The following USP3 variants were observed in gnomAD, a reference collection of about 807,000 sequenced individuals.
USP3 encodes the protein ubiquitin carboxyl-terminal hydrolase 3.
USP3 carries 20 observed loss-of-function variants against 72.3 expected under a neutral mutation model. That is an observed-to-expected ratio of 0.28 (90% CI 0.19 to 0.40). The LOEUF is 0.40. USP3 is among the 10% of genes least tolerant of loss of function. USP3 has a pLI of 1.00. For synonymous variants in USP3, 222 were observed against 225.3 expected (o/e 0.99, Z 0.13); for missense variants, 479 against 633.9 (o/e 0.76, Z 2.62).
chr15:63,547,318 G>T (rs1429258893), intron 3 of USP3, among the ~76,000 whole-genome samples: 1 of 152,096 alleles, frequency 6.6e-6, no homozygotes, highest in Non-Finnish European at 1.5e-5. Flanking sequence ...TGAAATAAAT[G>T]TCCCTCTTAG....
chr15:63,514,883 A>G (rs1198653907), intron 1 of USP3, among the ~76,000 whole-genome samples: 1 of 152,216 alleles, frequency 6.6e-6, no homozygotes, highest in Non-Finnish European at 1.5e-5. Flanking sequence ...GTTGTTGGCA[A>G]CAGCATGGAA....
At chr15:63,518,789 G>A (rs191953269) in intron 1 of USP3, among the ~76,000 whole-genome samples, 93 of 150,656 alleles carry the variant, frequency 6.2e-4, no homozygotes, top group Middle Eastern at 3.4e-3. Flanking sequence ...TTTTTGGGAC[G>A]GAGTCTTGCT....
intron 8 of USP3, among the ~76,000 whole-genome samples, chr15:63,563,362 C>G (rs2066638084): frequency 6.6e-6 from 1 of 152,112 alleles, no homozygotes; most frequent in South Asian, 2.1e-4. Context: ...GTTATTCCAG[C>G]TAAAAAAATT....
Position 63,556,716 on chromosome 15 carries a change from TCAACA to T in USP3, c.420_424del (p.Thr141LysfsTer37). Reference sequence around the variant, plus strand: ...TAAGAAAAGAAAACTTTTGGAAAACTCAACACTAAACAGCAAGTTATTAAAAGTAA... The same window carrying T: ...TAAGAAAAGAAAACTTTTGGAAAACTCTAAACAGCAAGTTATTAAAAGTAA... On this transcript the variant is annotated frameshift_variant, in exon 5 of 15. Coordinates refer to ENST00000380324, the MANE Select transcript of USP3 (RefSeq NM_006537.4). LOFTEE classifies it high-confidence loss of function. 6.2e-7 allele frequency: 1 copy of T among 1,608,158 alleles called. No homozygotes were observed. Among genetic ancestry groups the T allele is most frequent in the Non-Finnish European group, 8.5e-7 (1 of 1,177,592 alleles).
rs2067127697 is a variant in USP3, at chr15:63,588,875, C to T, written c.1329+60C>T. ...TGGCTCTTCAGTAAGATTGTCATCA[C>T]ATGGAGAGGGTAGAGGTCATCGAGA... On this transcript the variant is annotated intron_variant, in intron 13 of 14. Transcript: ENST00000380324. This position sits in a 1 kb window ranked among gnomAD's most constrained non-coding sequence, Gnocchi z 4.6. 1.9e-6 allele frequency: 3 copies of T among 1,609,584 alleles called. No individual in the cohort carries two copies. The highest frequency in any genetic ancestry group is 2.6e-6 in the Non-Finnish European group (3 of 1,175,924).
At chr15:63,575,236 T>C (rs1171531880) in intron 11 of USP3, among the ~76,000 whole-genome samples, 1 of 151,250 alleles carries the variant, frequency 6.6e-6, no homozygotes, top group East Asian at 1.9e-4. Flanking sequence ...CTATTAAAAT[T>C]AAATTAATTA....
rs963673785 is a variant in USP3, at chr15:63,529,095, C to T, written c.92-3552C>T. 23 of 1,265,216 alleles carry T rather than the reference C, an allele frequency of 1.8e-5. No individual in the cohort carries two copies. The Admixed American group carries it at 5.3e-4, about 29-fold the overall frequency. 78.4% of individuals were successfully genotyped at this position (1,265,216 alleles called of 1,614,324 possible). A position where few individuals can be genotyped will look rare whatever the true frequency, so the allele number is the denominator to read the frequency against. ...GCCCAGGCTGGCCTCGAACTCTAGG[C>T]TCAAGTGATTCTTCTGCCTCAGCCT... On this transcript the variant is annotated intron_variant, in intron 1 of 14. Transcript: ENST00000380324. This position sits in a 1 kb window ranked among gnomAD's most constrained non-coding sequence, Gnocchi z 4.2.
At chr15:63,508,527 A>G (rs1205704073) in intron 1 of USP3, among the ~76,000 whole-genome samples, 1 of 152,206 alleles carries the variant, frequency 6.6e-6, no homozygotes, top group Non-Finnish European at 1.5e-5. Context: ...ATTTATGTCT[A>G]ATTGTTGCTT....
At chr15:63,545,504 T>A (rs905237570) in intron 3 of USP3, among the ~76,000 whole-genome samples, 1 of 152,160 alleles carries the variant, frequency 6.6e-6, no homozygotes. Flanking sequence ...ATATTCTTCT[T>A]ACCTTCCTTT....
chr15:63,543,364 C>G (rs552316639), intron 3 of USP3, among the ~76,000 whole-genome samples: 1 of 152,040 alleles, frequency 6.6e-6, no homozygotes, highest in African/African-American at 2.4e-5. Context: ...GTGCTAGGGA[C>G]CTAGTTTTTA....
chr15:63,559,550 C>T (rs544168048), intron 6 of USP3, among the ~76,000 whole-genome samples: 7 of 152,112 alleles, frequency 4.6e-5, no homozygotes, highest in South Asian at 2.1e-4. Context: ...AACAAGCAAC[C>T]GAAAAGAAAG....
chr15:63,545,734 C>CT (rs1167788718), intron 3 of USP3, among the ~76,000 whole-genome samples: 1 of 151,656 alleles, frequency 6.6e-6, no homozygotes, highest in Non-Finnish European at 1.5e-5. Flanking sequence ...CATTGGGAGG[C>CT]TAAGGCGGGC....
At chr15:63,563,124 G>T in intron 8 of USP3, 116 bp downstream of exon 8, 6 of 695,852 alleles carry the variant, frequency 8.6e-6, no homozygotes, top group South Asian at 3.6e-5. Flanking sequence ...AGACTGGTTT[G>T]GTGTTTTTTT....
chr15:63,542,444 T>C (rs1182702805), intron 3 of USP3, among the ~76,000 whole-genome samples: 1 of 151,852 alleles, frequency 6.6e-6, no homozygotes, highest in East Asian at 1.9e-4. Context: ...AAAAACAAAA[T>C]AAGCCAATTT....
chr15:63,553,615 A>G lies in USP3; in HGVS notation c.285-100A>G. 1.0e-6 allele frequency: 1 copy of G among 996,578 alleles called. No homozygotes were observed. 61.7% of individuals were successfully genotyped at this position (996,578 alleles called of 1,614,324 possible). A position where few individuals can be genotyped will look rare whatever the true frequency, so the allele number is the denominator to read the frequency against. ...TACCACCAGCAGTAACTGCCTGCAGAGCCATGTGATCATCTTGGCAACAGC... is the reference window on the plus strand; with the variant it reads ...TACCACCAGCAGTAACTGCCTGCAGGGCCATGTGATCATCTTGGCAACAGC... On this transcript the variant is annotated intron_variant, in intron 3 of 14. Coordinates refer to ENST00000380324, the MANE Select transcript of USP3 (RefSeq NM_006537.4). The surrounding 1 kb of genome is among the most constrained non-coding windows in gnomAD (Gnocchi z 4.2).
intron 2 of USP3, 148 bp from the exon 3 acceptor site, chr15:63,536,877 A>T: frequency 2.3e-6 from 2 of 853,130 alleles, no homozygotes; most frequent in Non-Finnish European, 3.5e-6. Context: ...AGCATATTTT[A>T]AGTATTCAGT....
intron 3 of USP3, among the ~76,000 whole-genome samples, chr15:63,539,371 C>T (rs980614169): frequency 3.9e-5 from 6 of 152,106 alleles, no homozygotes; most frequent in African/African-American, 1.4e-4. Flanking sequence ...ACAATTAAAT[C>T]GCTGTGTGCT....
At chr15:63,548,282 C>G (rs1035483164) in intron 3 of USP3, among the ~76,000 whole-genome samples, 1 of 151,938 alleles carries the variant, frequency 6.6e-6, no homozygotes, top group South Asian at 2.1e-4. Context: ...TACAGGTGCA[C>G]ACCATCATGC....
rs1165259693 is a variant in USP3 at position 63,544,724 on chromosome 15, G to A, written c.284+7568G>A. On this transcript the variant is annotated intron_variant, in intron 3 of 14. Coordinates refer to ENST00000380324, the MANE Select transcript of USP3 (RefSeq NM_006537.4). This position sits in a 1 kb window ranked among gnomAD's most constrained non-coding sequence, Gnocchi z 4.2. ...TGAATAGTGCGAAATGGAAAATACC[G>A]AGGGGTAAGAGAGTTCATGGTATAT... 3 of 701,916 alleles carry A rather than the reference G, an allele frequency of 4.3e-6. No individual in the cohort carries two copies. The highest frequency in any genetic ancestry group is 3.5e-5 in the African/African-American group (2 of 57,226). 43.5% of individuals were successfully genotyped at this position (701,916 alleles called of 1,614,324 possible).
Sources: gnomAD v4.1 joint callset for allele counts (sites outside exome capture counted in the v4.1 genomes callset) on GRCh38, gnomAD v4.1.1 for gene constraint, Gnocchi (gnomAD v3.1) non-coding constraint, MANE v1.5 for transcripts, NCBI Gene and HGNC (gene_info 2026-07-23, HGNC 2026-07-21) for gene names.